TSHZ2: variants seen among roughly 807,000 people sequenced by gnomAD.
TSHZ2 encodes the protein teashirt zinc finger homeobox 2, also known as teashirt homolog 2.
In TSHZ2, 21 loss-of-function variants were observed where a neutral mutation model predicts 74.4. The observed-to-expected ratio is 0.28, with a 90% CI of 0.20 to 0.41. The LOEUF (loss-of-function observed/expected upper bound fraction) is 0.41. Among genes scored for constraint, TSHZ2 ranks in the 10% least tolerant of loss-of-function variants. TSHZ2 has a pLI of 1.00. For missense variants in TSHZ2, 1,244 were observed against 1,293.5 expected, an observed-to-expected ratio of 0.96 and a Z score of 0.59; for synonymous variants, 540 against 515.3, an observed-to-expected ratio of 1.05 and a Z score of -0.65.
intron 2 of TSHZ2, among the ~76,000 whole-genome samples, chr20:53,350,835 G>C (rs1054319064): frequency 6.6e-6 from 1 of 152,178 alleles, no homozygotes. Flanking sequence ...TGGCTATCTT[G>C]AAACTTCCAG....
chr20:53,304,417 C>T (rs1485809081), intron 2 of TSHZ2, among the ~76,000 whole-genome samples: 1 of 151,956 alleles, frequency 6.6e-6, no homozygotes, highest in Admixed American at 6.6e-5. Flanking sequence ...TTCAAAAGTC[C>T]AGTCTTGGTC....
At chr20:53,470,446 G>A (rs1205109223) in intron 2 of TSHZ2, among the ~76,000 whole-genome samples, 2 of 152,194 alleles carry the variant, frequency 1.3e-5, no homozygotes, top group East Asian at 3.9e-4. Context: ...TTAACTACAG[G>A]TTTCTCCCAG....
At chr20:53,231,531 C>T (rs1989824530) in intron 1 of TSHZ2, among the ~76,000 whole-genome samples, 1 of 152,162 alleles carries the variant, frequency 6.6e-6, no homozygotes, top group African/African-American at 2.4e-5. Flanking sequence ...AGGAGAGTTG[C>T]TGGAGGGGAG....
rs904896732 is a variant in TSHZ2 at position 53,074,504 on chromosome 20, A to AT, written c.40+101178dup. Among the ~76,000 whole-genome samples the AT allele has an allele frequency of 2.0e-4, 30 of 152,288 alleles. No individual in the cohort carries two copies. The highest frequency in any genetic ancestry group is 6.7e-4 in the African/African-American group (28 of 41,556). On this transcript the variant is annotated intron_variant, in intron 1 of 2. Coordinates refer to ENST00000371497, the MANE Select transcript of TSHZ2 (RefSeq NM_173485.6). This position sits in a 1 kb window ranked among gnomAD's most constrained non-coding sequence, Gnocchi z 5.9. Reference sequence around the variant, plus strand: ...TGTGTAAAAGGTAAAGGCAAACCAGATTTTTTTAAAGCTTATGATTGTTGG... The same window carrying AT: ...TGTGTAAAAGGTAAAGGCAAACCAGATTTTTTTTAAAGCTTATGATTGTTGG...
intron 1 of TSHZ2, among the ~76,000 whole-genome samples, chr20:53,188,634 G>A (rs898230267): frequency 6.6e-6 from 1 of 152,166 alleles, no homozygotes; most frequent in African/African-American, 2.4e-5. Context: ...CTAGTCCATA[G>A]AAGAAATAGG....
chr20:53,485,095 CCT>C (rs1357715467), intron 2 of TSHZ2, among the ~76,000 whole-genome samples: 2 of 152,126 alleles, frequency 1.3e-5, no homozygotes, highest in African/African-American at 2.4e-5. Context: ...GAAAAATCAC[CCT>C]GTTATTAAGT....
chr20:53,414,163 A>G (rs1331681368), intron 2 of TSHZ2, among the ~76,000 whole-genome samples: 3 of 152,088 alleles, frequency 2.0e-5, no homozygotes, highest in African/African-American at 7.2e-5. Flanking sequence ...TTTAAAAAGA[A>G]TAATATATAC....
In TSHZ2 at chr20:53,492,161, T is replaced by C. The variant is rs1363436562; in HGVS notation, c.*5026T>C. On this transcript the variant is annotated 3_prime_UTR_variant, in exon 3 of 3. Transcript: ENST00000371497. ...AATTGTCTTGAACCTGAAACCTGCA[T>C]TTAGATATCAGTCCCCTGCCAATAG... 1 of 151,964 alleles carries C rather than the reference T, an allele frequency of 6.6e-6. No individual in the cohort carries two copies. The highest frequency in any genetic ancestry group is 1.5e-5 in the Non-Finnish European group (1 of 68,004). The allele number at this position is 151,964 out of a possible 1,614,324, so 9.4% of individuals were successfully genotyped here.
intron 2 of TSHZ2, among the ~76,000 whole-genome samples, chr20:53,263,885 G>C (rs1990655105): frequency 1.3e-5 from 2 of 152,202 alleles, no homozygotes. Context: ...ACTCAGAGGA[G>C]GGGGGCAGGC....
Position 53,253,919 on chromosome 20 carries a change from A to G in TSHZ2, c.461A>G (p.Asn154Ser). 6.2e-7 allele frequency: 1 copy of G among 1,614,174 alleles called. No homozygotes were observed. The highest frequency in any genetic ancestry group is 1.3e-5 in the African/African-American group (1 of 75,050). ...AAGCTGTCCAATAGTGAGAGGAGGA[A>G]CTGTGACACCCGAAACGGCAGCAAC... ...GFKLSNSERR[N>S]CDTRNGSNKS... The change falls in exon 2 of 3, where the codon AAC becomes AGC. Residue 154 changes from asparagine (N) to serine (S), a missense_variant. Transcript: ENST00000371497.
intron 2 of TSHZ2, among the ~76,000 whole-genome samples, chr20:53,324,841 G>T (rs1183624576): frequency 6.6e-6 from 1 of 152,196 alleles, no homozygotes; most frequent in African/African-American, 2.4e-5. Context: ...CCGGGATCAG[G>T]AATTGTGTGC....
chr20:53,052,659 G>T (rs1445837155), intron 1 of TSHZ2, among the ~76,000 whole-genome samples: 1 of 152,168 alleles, frequency 6.6e-6, no homozygotes, highest in African/African-American at 2.4e-5. Flanking sequence ...TTATTCCTGT[G>T]TATGCATATA....
At chr20:53,373,791 G>GA (rs1212213876) in intron 2 of TSHZ2, among the ~76,000 whole-genome samples, 2 of 152,144 alleles carry the variant, frequency 1.3e-5, no homozygotes, top group Non-Finnish European at 2.9e-5. Context: ...CTAGGGCCAG[G>GA]ATCTGAGTGG....
chr20:53,135,130 G>A (rs1237468116), intron 1 of TSHZ2, among the ~76,000 whole-genome samples: 1 of 152,008 alleles, frequency 6.6e-6, no homozygotes, highest in Admixed American at 6.6e-5. Context: ...GTGTCTGGTT[G>A]CTTTTTGTCT....
intron 2 of TSHZ2, among the ~76,000 whole-genome samples, chr20:53,306,053 C>T (rs990895741): frequency 6.6e-6 from 1 of 152,146 alleles, no homozygotes; most frequent in East Asian, 1.9e-4. Flanking sequence ...CAGAAACTGG[C>T]TTTTCTCACT....
In TSHZ2 at chr20:53,422,302, C is replaced by T. The variant is rs189421585; in HGVS notation, c.*9-64842C>T. Reference sequence around the variant, plus strand: ...CCAGTGGACAGTTCTTGGAAATGAACGGTTAAGGACCACTCCTACCCCAAA... The same window carrying T: ...CCAGTGGACAGTTCTTGGAAATGAATGGTTAAGGACCACTCCTACCCCAAA... On this transcript the variant is annotated intron_variant, in intron 2 of 2. Coordinates refer to ENST00000371497, the MANE Select transcript of TSHZ2 (RefSeq NM_173485.6). 2.2e-3 allele frequency among the ~76,000 whole-genome samples: 331 copies of T among 152,198 alleles called. 1 individual carries two copies. The highest frequency in any genetic ancestry group is 3.7e-3 in the Non-Finnish European group (250 of 68,020).
chr20:53,175,162 A>T, intron 1 of TSHZ2, among the ~76,000 whole-genome samples: 5 of 66,780 alleles, frequency 7.5e-5, no homozygotes, highest in Admixed American at 2.0e-4. Flanking sequence ...TTTTTTTTCA[A>T]CGGAGTTTTG....
In TSHZ2 at chr20:53,027,725, C is replaced by T. The variant is rs1239186915; in HGVS notation, c.40+54392C>T. Among the ~76,000 whole-genome samples, 4 of 152,094 alleles carry T rather than the reference C, an allele frequency of 2.6e-5. No homozygotes were observed. The East Asian group carries it at 7.7e-4, about 29-fold the overall frequency. The stretch of plus-strand genomic sequence containing the variant: ...AATAAGTTAAGATCGTGCCACTACA[C>T]TCCAGCCTGAGTGACAGAGCAAGAC... On this transcript the variant is annotated intron_variant, in intron 1 of 2. Transcript: ENST00000371497.
chr20:53,125,839 A>G (rs1986933971), intron 1 of TSHZ2, among the ~76,000 whole-genome samples: 1 of 152,222 alleles, frequency 6.6e-6, no homozygotes, highest in South Asian at 2.1e-4. Context: ...ACAATTTTGA[A>G]ATAGAAATAA....
Sources: allele counts gnomAD v4.1 joint callset (sites outside exome capture counted in the v4.1 genomes callset), GRCh38; gene constraint gnomAD v4.1.1; non-coding constraint Gnocchi (gnomAD v3.1); transcripts MANE v1.5; gene names NCBI Gene and HGNC (gene_info 2026-07-23, HGNC 2026-07-21).